Variants in GABRA3 observed in about 807,000 individuals in gnomAD.
GABRA3 encodes gamma-aminobutyric acid type A receptor subunit alpha3.
A neutral mutation model predicts 30.1 loss-of-function variants in GABRA3; 10 were observed. That is an observed-to-expected ratio of 0.33 (90% CI 0.20 to 0.56). The LOEUF (loss-of-function observed/expected upper bound fraction) is 0.56, where lower values mean the gene tolerates loss of function less well. GABRA3 is among the 20% of genes least tolerant of loss of function. The pLI, the probability that GABRA3 is intolerant of heterozygous loss-of-function variation, is 0.89. For synonymous variants in GABRA3, 151 were observed against 146.8 expected (o/e 1.03, Z -0.21); for missense variants, 233 against 392.0 (o/e 0.59, Z 3.42).
chrX:152,179,580 T>C (rs867093350), intron 9 of GABRA3, among the ~76,000 whole-genome samples: 4 of 107,378 alleles, frequency 3.7e-5, no homozygotes, highest in Non-Finnish European at 7.7e-5. Context: ...CTGCAAGCTC[T>C]GCCTCCCGGG....
At chrX:152,273,291 G>A (rs1236588621) in intron 4 of GABRA3, among the ~76,000 whole-genome samples, 1 of 112,135 alleles carries the variant, frequency 8.9e-6, no homozygotes, top group Non-Finnish European at 1.9e-5. Flanking sequence ...GGCAATTACA[G>A]ATGCTTGCAA....
chrX:152,323,871 A>C (rs1041367330), intron 3 of GABRA3, among the ~76,000 whole-genome samples: 15 of 112,088 alleles, frequency 1.3e-4, no homozygotes, highest in African/African-American at 4.9e-4. Context: ...TAAGAGACCA[A>C]GGATACGTTT....
intron 9 of GABRA3, among the ~76,000 whole-genome samples, chrX:152,173,761 C>T (rs1023725642): frequency 3.6e-5 from 4 of 110,169 alleles, no homozygotes; most frequent in African/African-American, 6.6e-5. Flanking sequence ...TGAGCCACCG[C>T]GCCTGGCTAA....
At chrX:152,355,127 C>T (rs967016034) in intron 2 of GABRA3, among the ~76,000 whole-genome samples, 2 of 110,956 alleles carry the variant, frequency 1.8e-5, no homozygotes, top group Non-Finnish European at 3.8e-5. Flanking sequence ...AACTCCCCAG[C>T]AGTCTCCTCT....
At chrX:152,231,154 T>C (rs757379411) in intron 5 of GABRA3, among the ~76,000 whole-genome samples, 56 of 97,973 alleles carry the variant, frequency 5.7e-4, no homozygotes, top group African/African-American at 1.8e-3. Flanking sequence ...TATATATATA[T>C]ACACACATAT....
chrX:152,347,289 A>G (rs1036887948), intron 2 of GABRA3, among the ~76,000 whole-genome samples: 9 of 111,724 alleles, frequency 8.1e-5, no homozygotes, highest in African/African-American at 2.9e-4. Context: ...CTAAAAATTA[A>G]AACAATTGAA....
chrX:152,261,360 C>T (rs1938725923), intron 4 of GABRA3, among the ~76,000 whole-genome samples: 1 of 111,739 alleles, frequency 8.9e-6, no homozygotes, highest in Admixed American at 9.5e-5. Context: ...CCAGCATTAA[C>T]TCAAAAGTCC....
chrX:152,404,619 G>A (rs1312739990), intron 1 of GABRA3, among the ~76,000 whole-genome samples: 1 of 110,236 alleles, frequency 9.1e-6, no homozygotes, highest in Non-Finnish European at 1.9e-5. Context: ...AGCAGTACAG[G>A]TAGTCTGAGG....
In GABRA3 at chrX:152,236,624, G is replaced by T. The variant is rs1194438939; in HGVS notation, c.552-11779C>A. ...ACAGTCCCACCAACAGTGTAAAAGT[G>T]TTCCTATTTCTCCACATCTTGTCCA... On this transcript the variant is annotated intron_variant, in intron 5 of 9. Coordinates refer to ENST00000370314, the MANE Select transcript of GABRA3 (RefSeq NM_000808.4). Among the ~76,000 whole-genome samples, 15 of 107,296 alleles carry T rather than the reference G, an allele frequency of 1.4e-4. No individual in the cohort carries two copies. The East Asian group carries it at 3.5e-3, about 25-fold the overall frequency. The allele number at this position is 107,296 out of a possible 115,157, so 93.2% of individuals were successfully genotyped here.
At chrX:152,433,547 T>A (rs1370246254) in intron 1 of GABRA3, among the ~76,000 whole-genome samples, 1 of 109,271 alleles carries the variant, frequency 9.2e-6, no homozygotes, top group African/African-American at 3.3e-5. Flanking sequence ...ATAGGGGTAG[T>A]TACAGCATTA....
intron 5 of GABRA3, among the ~76,000 whole-genome samples, chrX:152,225,438 A>G (rs1159908307): frequency 2.8e-5 from 3 of 106,939 alleles, no homozygotes; most frequent in Admixed American, 1.0e-4. Context: ...ACACGCACAC[A>G]CACACACACA....
intron 3 of GABRA3, among the ~76,000 whole-genome samples, chrX:152,317,277 T>G (rs975002601): frequency 2.7e-5 from 3 of 111,525 alleles, no homozygotes; most frequent in Non-Finnish European, 5.7e-5. Context: ...GTCACAAACC[T>G]AAATATATAT....
At chrX:152,300,738 C>A (rs896766876) in intron 3 of GABRA3, among the ~76,000 whole-genome samples, 1 of 111,466 alleles carries the variant, frequency 9.0e-6, no homozygotes, top group Non-Finnish European at 1.9e-5. Flanking sequence ...ATGCAATTAC[C>A]AAAATAAAAA....
intron 1 of GABRA3, among the ~76,000 whole-genome samples, chrX:152,449,329 G>A (rs1173557681): frequency 1.8e-5 from 2 of 112,052 alleles, no homozygotes; most frequent in African/African-American, 6.5e-5. Context: ...CAAATTGGAT[G>A]CTTAGGATAA....
At chrX:152,363,286 A>C (rs941053212) in intron 2 of GABRA3, among the ~76,000 whole-genome samples, 4 of 112,145 alleles carry the variant, frequency 3.6e-5, no homozygotes, top group South Asian at 7.4e-4. Context: ...CATAGTCATA[A>C]AAGTATAAAG....
intron 1 of GABRA3, among the ~76,000 whole-genome samples, chrX:152,385,954 C>A (rs1374077823): frequency 9.1e-6 from 1 of 110,369 alleles, no homozygotes; most frequent in Admixed American, 9.7e-5. Context: ...TGATCTATAT[C>A]TCTGTTTTGG....
At chrX:152,302,391 C>A (rs1350382320) in intron 3 of GABRA3, among the ~76,000 whole-genome samples, 1 of 111,314 alleles carries the variant, frequency 9.0e-6, no homozygotes, top group African/African-American at 3.3e-5. Flanking sequence ...GATTTGGTGG[C>A]CATTCAGGTT....
intron 1 of GABRA3, among the ~76,000 whole-genome samples, chrX:152,390,075 G>T (rs1303921152): frequency 8.9e-6 from 1 of 111,781 alleles, no homozygotes; most frequent in Non-Finnish European, 1.9e-5. Flanking sequence ...TATTTAAATA[G>T]CAATGTGGTA....
At chrX:152,312,724 C>T (rs1939817049) in intron 3 of GABRA3, among the ~76,000 whole-genome samples, 1 of 111,948 alleles carries the variant, frequency 8.9e-6, no homozygotes, top group Non-Finnish European at 1.9e-5. Flanking sequence ...TAATCACAAA[C>T]TACACATCTG....
Sources: gnomAD v4.1 joint callset for allele counts (sites outside exome capture counted in the v4.1 genomes callset) on GRCh38, gnomAD v4.1.1 for gene constraint, MANE v1.5 for transcripts, NCBI Gene and HGNC (gene_info 2026-07-23, HGNC 2026-07-21) for gene names.